The following SGCZ variants were observed in gnomAD, a reference collection of about 807,000 sequenced individuals.
SGCZ encodes sarcoglycan zeta.
In SGCZ, 40 loss-of-function variants were observed where a neutral mutation model predicts 41.3. The ratio of observed to expected loss-of-function variants is 0.97; its 90% CI spans 0.75 to 1.26. The LOEUF (loss-of-function observed/expected upper bound fraction) is 1.26, where lower values mean the gene tolerates loss of function less well. Among genes scored for constraint, SGCZ ranks in the 50% most tolerant of loss-of-function variants. The probability of loss-of-function intolerance (pLI) is 0.00; values close to 1 mark genes in which losing one functional copy is unlikely to be tolerated. For missense variants in SGCZ, 552 were observed against 369.8 expected, an observed-to-expected ratio of 1.49 and a Z score of -4.04; for synonymous variants, 206 against 137.5, an observed-to-expected ratio of 1.50 and a Z score of -3.49.
intron 1 of SGCZ, among the ~76,000 whole-genome samples, chr8:14,799,478 A>T (rs1801244154): frequency 6.6e-6 from 1 of 152,116 alleles, no homozygotes; most frequent in African/African-American, 2.4e-5. Flanking sequence ...CTGGTGAAAG[A>T]AAGATCCAGT....
rs970839865 is a variant in SGCZ, at chr8:14,168,414, T to C, written c.425-3712A>G. On this transcript the variant is annotated intron_variant, in intron 4 of 7. Transcript: ENST00000382080. ...TTGTAGCTCCCACAATTCCCACATA[T>C]CATGGGAGGGACCCAGTGGGAGGTA... 2.0e-5 allele frequency among the ~76,000 whole-genome samples: 3 copies of C among 151,976 alleles called. No individual in the cohort carries two copies. In the South Asian group the frequency reaches 6.2e-4, roughly 31 times the overall value.
chr8:14,861,979 A>C lies in SGCZ; in HGVS notation c.40-307053T>G, dbSNP rs182051212. ...TTGCTTCCACTATAAAGGCACATTA[A>C]GAAGAAAACAGAGCCAACACCTGAA... On this transcript the variant is annotated intron_variant, in intron 1 of 7. Coordinates refer to ENST00000382080, the MANE Select transcript of SGCZ (RefSeq NM_139167.4). Among the ~76,000 whole-genome samples the C allele has an allele frequency of 4.0e-3, 613 of 152,264 alleles. 4 individuals carry two copies. Among genetic ancestry groups the C allele is most frequent in the South Asian group, 0.018 (88 of 4,832 alleles).
chr8:15,104,379 C>T (rs562667297), intron 1 of SGCZ, among the ~76,000 whole-genome samples: 58 of 152,142 alleles, frequency 3.8e-4, no homozygotes, highest in African/African-American at 1.3e-3. Context: ...CACACACTGG[C>T]ACATCAGACA....
At chr8:14,425,824 T>C (rs1226167597) in intron 2 of SGCZ, among the ~76,000 whole-genome samples, 1 of 151,998 alleles carries the variant, frequency 6.6e-6, no homozygotes, top group Non-Finnish European at 1.5e-5. Context: ...AATGTCAGTA[T>C]TAAATAAAGA....
intron 1 of SGCZ, among the ~76,000 whole-genome samples, chr8:15,091,867 C>G (rs1330288802): frequency 6.6e-6 from 1 of 152,140 alleles, no homozygotes; most frequent in African/African-American, 2.4e-5. Flanking sequence ...ATCCTCCCAC[C>G]TCAGCCTCGA....
At chr8:14,494,682 A>G (rs998025774) in intron 2 of SGCZ, among the ~76,000 whole-genome samples, 1 of 152,180 alleles carries the variant, frequency 6.6e-6, no homozygotes, top group Non-Finnish European at 1.5e-5. Context: ...GCATTTGAGA[A>G]ACAACGTTGT....
chr8:14,110,932 T>C (rs777560296), intron 5 of SGCZ, among the ~76,000 whole-genome samples: 1 of 151,948 alleles, frequency 6.6e-6, no homozygotes, highest in African/African-American at 2.4e-5. Context: ...TGGTGCACAG[T>C]AGTCCCAGCT....
intron 1 of SGCZ, among the ~76,000 whole-genome samples, chr8:14,771,258 G>A (rs982860342): frequency 6.6e-6 from 1 of 152,100 alleles, no homozygotes; most frequent in Non-Finnish European, 1.5e-5. Context: ...ACCTCTGTGT[G>A]GGGTCAGAGG....
intron 2 of SGCZ, among the ~76,000 whole-genome samples, chr8:14,497,854 G>A (rs1363398702): frequency 1.3e-5 from 2 of 152,112 alleles, no homozygotes; most frequent in Non-Finnish European, 2.9e-5. Context: ...CAATAAGACA[G>A]TTAGGTTGTA....
At chr8:15,237,149 G>C (rs937532591) in intron 1 of SGCZ, among the ~76,000 whole-genome samples, 3 of 152,230 alleles carry the variant, frequency 2.0e-5, no homozygotes, top group Non-Finnish European at 4.4e-5. Context: ...TGCCGGGCTG[G>C]GGCACAGGCG....
chr8:14,421,394 A>C (rs1336959434), intron 2 of SGCZ, among the ~76,000 whole-genome samples: 2 of 152,120 alleles, frequency 1.3e-5, no homozygotes, highest in Non-Finnish European at 2.9e-5. Flanking sequence ...TGTTTTTGTA[A>C]AATGCATGAT....
intron 1 of SGCZ, among the ~76,000 whole-genome samples, chr8:14,917,215 A>T (rs1799462553): frequency 6.6e-6 from 1 of 152,124 alleles, no homozygotes. Context: ...CCACAATCTG[A>T]TTCTTATAAT....
At position 14,751,541 on chromosome 8, in the gene SGCZ, A is replaced by G. The variant is rs1585230967; in HGVS notation, c.40-196615T>C. Among the ~76,000 whole-genome samples, 2 of 152,208 alleles carry G rather than the reference A, an allele frequency of 1.3e-5. 1 individual carries two copies. The highest frequency in any genetic ancestry group is 4.1e-4 in the South Asian group (2 of 4,836). On this transcript the variant is annotated intron_variant, in intron 1 of 7. Transcript: ENST00000382080. ...ATAATATATACAACATTTACACATC[A>G]TATGTATTAGGAACCAGAATACTGT... is the stretch of plus-strand genomic sequence containing the variant.
At chr8:15,205,797 A>C (rs1170292647) in intron 1 of SGCZ, among the ~76,000 whole-genome samples, 2 of 152,208 alleles carry the variant, frequency 1.3e-5, no homozygotes, top group African/African-American at 2.4e-5. Flanking sequence ...ATTTTACCAT[A>C]AAGACACATG....
chr8:14,386,618 TA>T (rs2117205815), intron 2 of SGCZ, among the ~76,000 whole-genome samples: 1 of 152,342 alleles, frequency 6.6e-6, no homozygotes, highest in South Asian at 2.1e-4. Context: ...AAAAACTTTG[TA>T]AAATAAATTA....
intron 2 of SGCZ, among the ~76,000 whole-genome samples, chr8:14,394,154 T>TCC (rs1563300665): frequency 0.017 from 1,600 of 96,420 alleles, 46 homozygotes; most frequent in African/African-American, 0.043. Context: ...TTTTTTTTTT[T>TCC]TTTTTTTTTT....
At chr8:14,543,007 T>C (rs1030279100) in intron 2 of SGCZ, among the ~76,000 whole-genome samples, 4 of 151,994 alleles carry the variant, frequency 2.6e-5, no homozygotes, top group African/African-American at 9.7e-5. Context: ...TAAACAAGCT[T>C]AAGTACAAAA....
intron 1 of SGCZ, 70 bp from the exon 2 acceptor site, chr8:14,554,996 A>AT (rs1803991058): frequency 2.2e-6 from 3 of 1,393,912 alleles, no homozygotes; most frequent in Admixed American, 2.3e-5. Context: ...TAAACCCATG[A>AT]TTTTTTTGAA....
In SGCZ at chr8:14,946,829, C is replaced by T. The variant is rs558027509; in HGVS notation, c.39+290756G>A. On this transcript the variant is annotated intron_variant, in intron 1 of 7. Transcript: ENST00000382080. ...TAGCCAGACCTACAGGCACCCACCA[C>T]CACGCCCAGCTAATTTTTGTATTTT... 3.3e-4 allele frequency among the ~76,000 whole-genome samples: 50 copies of T among 152,118 alleles called. 1 individual carries two copies. In the South Asian group the frequency reaches 9.6e-3, roughly 29 times the overall value.
Sources: allele counts gnomAD v4.1 joint callset (sites outside exome capture counted in the v4.1 genomes callset), GRCh38; gene constraint gnomAD v4.1.1; transcripts MANE v1.5; gene names NCBI Gene and HGNC (gene_info 2026-07-23, HGNC 2026-07-21).